The following FREM3 variants were observed in gnomAD, a reference collection of about 807,000 sequenced individuals.
FREM3 encodes FRAS1 related extracellular matrix 3.
In FREM3, 105 loss-of-function variants were observed where a neutral mutation model predicts 129.1. The observed-to-expected ratio is 0.81, with a 90% CI of 0.69 to 0.96. The LOEUF is 0.96. Ranked by LOEUF, FREM3 falls within the 40% of genes least tolerant of loss-of-function variation. FREM3 has a pLI of 0.00. For synonymous variants in FREM3, 1,014 were observed against 1,044.9 expected (o/e 0.97, Z 0.57); for missense variants, 2,593 against 2,666.3 (o/e 0.97, Z 0.61).
chr4:143,583,284 A>G (rs559100189), intron 7 of FREM3, among the ~76,000 whole-genome samples: 1 of 152,326 alleles, frequency 6.6e-6, no homozygotes, highest in South Asian at 2.1e-4. Context: ...AGAATGTGCA[A>G]AACTTCTTAG....
chr4:143,581,799 C>T (rs569557659), intron 7 of FREM3, among the ~76,000 whole-genome samples: 1 of 151,422 alleles, frequency 6.6e-6, no homozygotes, highest in South Asian at 2.1e-4. Context: ...TTTCCATTGG[C>T]AGTGGCTCTG....
At chr4:143,641,388 G>A (rs1739318991) in intron 2 of FREM3, among the ~76,000 whole-genome samples, 1 of 152,190 alleles carries the variant, frequency 6.6e-6, no homozygotes, top group African/African-American at 2.4e-5. Context: ...TTAGAACCAA[G>A]TGTATTCACT....
rs752318065 is a variant in FREM3, at chr4:143,698,186, T to C, written c.2490A>G (p.Pro830=). The C allele has an allele frequency of 4.9e-5, 75 of 1,537,458 alleles. No homozygotes were observed. In the South Asian group the frequency reaches 8.7e-4, roughly 18 times the overall value. The change falls in exon 1 of 8, where the codon CCA becomes CCG. Residue 830 remains proline (P), a synonymous_variant. Coordinates refer to ENST00000329798, the MANE Select transcript of FREM3 (RefSeq NM_001168235.2). ...LFLQPVDNQP[P]EVTNRGFAIL... ...TAGCAAAGCCTCTGTTGGTGACTTC[T>C]GGGGGCTGGTTGTCCACAGGTTGCA... is the stretch of plus-strand genomic sequence containing the variant.
chr4:143,673,871 G>C lies in FREM3; in HGVS notation c.5275+19242C>G, dbSNP rs180874580. The stretch of plus-strand genomic sequence containing the variant: ...GTGCTAGCAATGAGCGAGGCTCCAT[G>C]GGTGTGGGACCCTCCGAGCCATGCG... On this transcript the variant is annotated intron_variant, in intron 2 of 7. Transcript: ENST00000329798. Among the ~76,000 whole-genome samples, 761 of 152,372 alleles carry C rather than the reference G, an allele frequency of 5.0e-3. 5 individuals carry two copies. The highest frequency in any genetic ancestry group is 0.027 in the Middle Eastern group (8 of 294).
Position 143,700,654 on chromosome 4 carries a change from G to T in FREM3, c.22C>A (p.Pro8Thr). 1 of 1,430,148 alleles carries T rather than the reference G, an allele frequency of 7.0e-7. No homozygotes were observed. The highest frequency in any genetic ancestry group is 9.1e-7 in the Non-Finnish European group (1 of 1,096,992). The allele number at this position is 1,430,148 out of a possible 1,614,324, so 88.6% of individuals were successfully genotyped here. A position where few individuals can be genotyped will look rare whatever the true frequency, so the allele number is the denominator to read the frequency against. Residue 8 changes from proline (P) to threonine (T), a missense_variant, in exon 1 of 8, where the codon CCG (proline) becomes ACG (threonine). Around this residue, in one of 2 missense-constraint regions of FREM3, gnomAD observed 2,276 missense variants for 2,267.2 expected, o/e 1.00. Coordinates refer to ENST00000329798, the MANE Select transcript of FREM3 (RefSeq NM_001168235.2). ...AGGAGCTGCCGGGGCGTCCCAGTCG[G>T]GTGCCGAGAAGCCCCCGCCATGGCC... MAGASRH[P>T]TGTPRQLLVA...
chr4:143,638,164 C>T (rs922544347), intron 2 of FREM3, among the ~76,000 whole-genome samples: 2 of 152,060 alleles, frequency 1.3e-5, no homozygotes, highest in African/African-American at 4.8e-5. Context: ...TAATAAAGAC[C>T]ACAAGCTTTT....
At chr4:143,631,139 A>G (rs1471805260) in intron 2 of FREM3, among the ~76,000 whole-genome samples, 1 of 152,132 alleles carries the variant, frequency 6.6e-6, no homozygotes, top group African/African-American at 2.4e-5. Flanking sequence ...TTGATCCCAA[A>G]TACCAACTTC....
At chr4:143,688,483 C>G (rs1014754577) in intron 2 of FREM3, among the ~76,000 whole-genome samples, 1 of 152,064 alleles carries the variant, frequency 6.6e-6, no homozygotes, top group Non-Finnish European at 1.5e-5. Context: ...CAATTCCCAT[C>G]AAAATACCAC....
At chr4:143,598,880 A>T (rs774499806) in intron 6 of FREM3, among the ~76,000 whole-genome samples, 36 of 152,198 alleles carry the variant, frequency 2.4e-4, no homozygotes, top group Admixed American at 3.9e-4. Context: ...TGTGCATAGT[A>T]GGCTATACCA....
Position 143,586,010 on chromosome 4 carries a change from A to T in FREM3, c.6029-17T>A, listed in dbSNP as rs1384980932. ...GGACAGGTTCTAAAGAGGCAAAAAA[A>T]GATACACTAAGAATGCTTCAGCCTG... On this transcript the variant is annotated splice_polypyrimidine_tract_variant and intron_variant, in intron 6 of 7. Coordinates refer to ENST00000329798, the MANE Select transcript of FREM3 (RefSeq NM_001168235.2). 6.5e-7 allele frequency: 1 copy of T among 1,537,130 alleles called. No homozygotes were observed. The highest frequency in any genetic ancestry group is 1.4e-5 in the African/African-American group (1 of 73,050).
intron 2 of FREM3, among the ~76,000 whole-genome samples, chr4:143,660,079 T>C (rs1322337591): frequency 1.3e-5 from 2 of 149,568 alleles, no homozygotes; most frequent in African/African-American, 4.9e-5. Flanking sequence ...AGAAGCTCTT[T>C]AGTTTAATTA....
chr4:143,664,485 G>T (rs1424877435), intron 2 of FREM3, among the ~76,000 whole-genome samples: 1 of 152,144 alleles, frequency 6.6e-6, no homozygotes, highest in African/African-American at 2.4e-5. Flanking sequence ...TGAGGTGTCA[G>T]TCTGCCCCTA....
rs546023913 is a variant in FREM3 at position 143,594,069 on chromosome 4, C to T, written c.6029-8076G>A. The stretch of plus-strand genomic sequence containing the variant: ...CTCCTGGTGTGCCGTTTGAGAAGCC[C>T]GTTGGAAAAGTGCAGTAGTAGGGTG... On this transcript the variant is annotated intron_variant, in intron 6 of 7. Transcript: ENST00000329798. Among the ~76,000 whole-genome samples, 20 of 152,302 alleles carry T rather than the reference C, an allele frequency of 1.3e-4. No homozygotes were observed. The South Asian group carries it at 1.9e-3, about 14-fold the overall frequency.
rs774762744 is a variant in FREM3 at position 143,698,767 on chromosome 4, G to C, written c.1909C>G (p.Leu637Val). ...CACTCAGTCACCACTTTCTCATAAA[G>C]CCCTTCCTTTTCCATGTAGTGCCAG... ...EDWHYMEKEG[L>V]YEKVVTEWLQ... The change falls in exon 1 of 8, where the codon CTT (leucine) becomes GTT (valine). Residue 637 changes from leucine to valine, a missense_variant. This residue lies in a region of FREM3 where 2,276 missense variants were observed against 2,267.2 expected (regional missense o/e 1.00). Coordinates refer to ENST00000329798, the MANE Select transcript of FREM3 (RefSeq NM_001168235.2). 3 of 1,537,376 alleles carry C rather than the reference G, an allele frequency of 2.0e-6. No homozygotes were observed.
In FREM3 at chr4:143,693,396, A is replaced by G. The variant is rs564025165; in HGVS notation, c.5186-194T>C. The stretch of plus-strand genomic sequence containing the variant: ...TTTAGTTTGAAATTTGGTCTCAATG[A>G]GGTACCATCTCACCCCAGTCAGACT... On this transcript the variant is annotated intron_variant, in intron 1 of 7. Transcript: ENST00000329798. 7.9e-5 allele frequency among the ~76,000 whole-genome samples: 12 copies of G among 152,350 alleles called. 1 individual carries two copies. Among genetic ancestry groups the G allele is most frequent in the African/African-American group, 2.9e-4 (12 of 41,582 alleles).
chr4:143,689,492 A>G (rs574154907), intron 2 of FREM3, among the ~76,000 whole-genome samples: 16 of 152,326 alleles, frequency 1.1e-4, no homozygotes, highest in African/African-American at 3.8e-4. Context: ...AAAGAGCTAG[A>G]AGTAGAACTA....
chr4:143,639,724 GGCAAATCTAGAGGT>G (rs2149845880), intron 2 of FREM3, among the ~76,000 whole-genome samples: 2 of 152,232 alleles, frequency 1.3e-5, no homozygotes, highest in African/African-American at 4.8e-5. Context: ...GAAGTGCACT[GGCAAATCTAGAGGT>G]GTAATCTTAA....
chr4:143,629,044 G>A lies in FREM3; in HGVS notation c.5276-1284C>T, dbSNP rs75630713. Among the ~76,000 whole-genome samples the A allele has an allele frequency of 4.8e-4, 73 of 152,180 alleles. No individual in the cohort carries two copies. The East Asian group carries it at 0.013, about 27-fold the overall frequency. On this transcript the variant is annotated intron_variant, in intron 2 of 7. Coordinates refer to ENST00000329798, the MANE Select transcript of FREM3 (RefSeq NM_001168235.2). Reference sequence around the variant, plus strand: ...GCTGGGAGCCAACCACCAGATTCCCGTGGGTTGCACAGGCGGTAAGAGACA... The same window carrying A: ...GCTGGGAGCCAACCACCAGATTCCCATGGGTTGCACAGGCGGTAAGAGACA...
At chr4:143,596,703 G>A (rs1738489516) in intron 6 of FREM3, among the ~76,000 whole-genome samples, 1 of 152,150 alleles carries the variant, frequency 6.6e-6, no homozygotes, top group African/African-American at 2.4e-5. Flanking sequence ...GGGAGGCCGA[G>A]GAGAGGGGAT....
Sources: allele counts gnomAD v4.1 joint callset (sites outside exome capture counted in the v4.1 genomes callset), GRCh38; gene constraint gnomAD v4.1.1; regional missense constraint gnomAD v4.1.1; transcripts MANE v1.5; gene names NCBI Gene and HGNC (gene_info 2026-07-23, HGNC 2026-07-21).